Variants in ARHGEF3 observed in about 807,000 individuals in gnomAD.
ARHGEF3 encodes the protein 59.8 kDA protein.
A neutral mutation model predicts 63.2 loss-of-function variants in ARHGEF3; 28 were observed. That is an observed-to-expected ratio of 0.44 (90% CI 0.33 to 0.61). The LOEUF (loss-of-function observed/expected upper bound fraction) is 0.61. Ranked by LOEUF, ARHGEF3 falls within the 20% of genes least tolerant of loss-of-function variation. The probability of loss-of-function intolerance (pLI) is 0.03; values close to 1 mark genes in which losing one functional copy is unlikely to be tolerated. For synonymous variants in ARHGEF3, 266 were observed against 254.2 expected, an observed-to-expected ratio of 1.05 and a Z score of -0.44; for missense variants, 533 against 659.3, an observed-to-expected ratio of 0.81 and a Z score of 2.10.
intron 2 of ARHGEF3, among the ~76,000 whole-genome samples, chr3:57,022,297 C>T (rs1703291560): frequency 6.6e-6 from 1 of 151,730 alleles, no homozygotes; most frequent in Non-Finnish European, 1.5e-5. Flanking sequence ...CCCAGGAGGT[C>T]CCTGTCTTTG....
chr3:56,904,329 C>A (rs1166528452), intron 3 of ARHGEF3, among the ~76,000 whole-genome samples: 2 of 152,130 alleles, frequency 1.3e-5, no homozygotes, highest in African/African-American at 2.4e-5. Flanking sequence ...CTGCACCCAG[C>A]CTTTTAAAAA....
At chr3:56,921,451 G>T (rs545997253) in intron 3 of ARHGEF3, among the ~76,000 whole-genome samples, 1 of 131,708 alleles carries the variant, frequency 7.6e-6, no homozygotes, top group East Asian at 2.0e-4. Context: ...GTGTTACTAG[G>T]TTATCAGGGA....
intron 8 of ARHGEF3, among the ~76,000 whole-genome samples, chr3:56,734,778 T>C (rs1189552862): frequency 6.6e-6 from 1 of 151,978 alleles, no homozygotes; most frequent in Non-Finnish European, 1.5e-5. Flanking sequence ...GGGAATAAAA[T>C]GTATATTTAA....
chr3:57,058,759 T>C (rs991691599), intron 1 of ARHGEF3, among the ~76,000 whole-genome samples: 2 of 151,814 alleles, frequency 1.3e-5, no homozygotes, highest in African/African-American at 4.8e-5. Context: ...CCAACAATGA[T>C]AGACTGGATT....
chr3:56,839,613 T>C (rs2039241833), intron 4 of ARHGEF3, among the ~76,000 whole-genome samples: 1 of 152,144 alleles, frequency 6.6e-6, no homozygotes, highest in Non-Finnish European at 1.5e-5. Context: ...GAAAGCTTAT[T>C]AAAAATATAA....
At chr3:56,882,117 A>G (rs539912425) in intron 4 of ARHGEF3, among the ~76,000 whole-genome samples, 1 of 152,362 alleles carries the variant, frequency 6.6e-6, no homozygotes, top group East Asian at 1.9e-4. Context: ...TTGGCCACAC[A>G]GTTTTCTCCA....
chr3:56,923,072 A>G (rs1244300130), intron 3 of ARHGEF3, among the ~76,000 whole-genome samples: 1 of 89,004 alleles, frequency 1.1e-5, no homozygotes, highest in African/African-American at 4.3e-5. Context: ...ATATATATAT[A>G]TATAAATTAG....
At chr3:56,831,184 A>G (rs981470345) in intron 4 of ARHGEF3, among the ~76,000 whole-genome samples, 1 of 152,256 alleles carries the variant, frequency 6.6e-6, no homozygotes, top group African/African-American at 2.4e-5. Flanking sequence ...CACTTTTAGA[A>G]TTGAGGCAAC....
chr3:56,819,251 G>GT (rs1379322648), intron 4 of ARHGEF3, among the ~76,000 whole-genome samples: 3 of 152,208 alleles, frequency 2.0e-5, no homozygotes, highest in Non-Finnish European at 4.4e-5. Flanking sequence ...CAGAAGGTAT[G>GT]TATCAAGGGC....
intron 4 of ARHGEF3, among the ~76,000 whole-genome samples, chr3:56,856,198 A>G (rs2039876153): frequency 6.6e-6 from 1 of 152,186 alleles, no homozygotes; most frequent in Non-Finnish European, 1.5e-5. Flanking sequence ...GCCACATAAA[A>G]TACACGTAAC....
intron 3 of ARHGEF3, among the ~76,000 whole-genome samples, chr3:56,885,290 T>A (rs755100108): frequency 6.6e-6 from 1 of 152,154 alleles, no homozygotes; most frequent in African/African-American, 2.4e-5. Context: ...TGGGATGTTA[T>A]CTGTAGAGTA....
rs772287807 is a variant in ARHGEF3, at chr3:57,074,087, T to C, written c.-28+5139A>G. 2.5e-6 allele frequency: 4 copies of C among 1,614,022 alleles called. No homozygotes were observed. The Middle Eastern group carries it at 4.9e-4, about 200-fold the overall frequency. On this transcript the variant is annotated intron_variant, in intron 1 of 12. Coordinates refer to the ARHGEF3 transcript ENST00000338458. ...ATAACTCTACACCTCAATTTCTTGG[T>C]ATGGAAGATGGGGATAATGAGAGGA...
chr3:56,775,822 T>A, intron 1 of ARHGEF3: 8 of 252,416 alleles, frequency 3.2e-5, no homozygotes, highest in Non-Finnish European at 4.2e-5. Flanking sequence ...ACACACACAC[T>A]GCCTCTTAAG....
At chr3:56,832,750 C>G (rs901253042) in intron 4 of ARHGEF3, among the ~76,000 whole-genome samples, 4 of 152,136 alleles carry the variant, frequency 2.6e-5, no homozygotes, top group African/African-American at 9.7e-5. Flanking sequence ...AAAAAGAAAC[C>G]CTGTATCTCC....
intron 1 of ARHGEF3, among the ~76,000 whole-genome samples, chr3:57,071,983 G>A (rs1478528607): frequency 6.6e-6 from 1 of 152,054 alleles, no homozygotes; most frequent in Non-Finnish European, 1.5e-5. Context: ...TTTCTCCAAA[G>A]AAGATACACA....
chr3:56,912,664 T>C (rs2041883960), intron 3 of ARHGEF3, among the ~76,000 whole-genome samples: 1 of 152,232 alleles, frequency 6.6e-6, no homozygotes, highest in South Asian at 2.1e-4. Flanking sequence ...TGTAAGTTAT[T>C]ATCGTATTAT....
intron 4 of ARHGEF3, chr3:56,882,269 G>C: frequency 6.5e-7 from 1 of 1,546,830 alleles, no homozygotes; most frequent in Non-Finnish European, 8.8e-7. Context: ...GGTGCCAGTG[G>C]GGGAAGAAAG....
intron 2 of ARHGEF3, among the ~76,000 whole-genome samples, chr3:57,000,782 C>T (rs62251156): frequency 0.16 from 24,427 of 151,980 alleles, 2,233 homozygotes; most frequent in Non-Finnish European, 0.21. Flanking sequence ...ATCCACCCGA[C>T]TCAGCCTCCC....
At position 56,934,677 on chromosome 3, in the gene ARHGEF3, T is replaced by C. The variant is rs183797484; in HGVS notation, c.129+24146A>G. The stretch of plus-strand genomic sequence containing the variant: ...GCCCACCAGCGCTGCGCTCGATTTC[T>C]CACCAGGCCTTAGTTGCCCTCCCAC... On this transcript the variant is annotated intron_variant, in intron 3 of 12. Transcript: ENST00000338458. Among the ~76,000 whole-genome samples, 475 of 152,328 alleles carry C rather than the reference T, an allele frequency of 3.1e-3. 4 individuals are homozygous for C. Among genetic ancestry groups the C allele is most frequent in the African/African-American group, 0.011 (447 of 41,574 alleles).
Sources: gnomAD v4.1 joint callset for allele counts (sites outside exome capture counted in the v4.1 genomes callset) on GRCh38, gnomAD v4.1.1 for gene constraint, MANE v1.5 for transcripts, NCBI Gene and HGNC (gene_info 2026-07-23, HGNC 2026-07-21) for gene names.